ALDH1A2: variants seen among roughly 807,000 people sequenced by gnomAD.
ALDH1A2 encodes retinal dehydrogenase 2.
A neutral mutation model predicts 60.3 loss-of-function variants in ALDH1A2; 27 were observed. The ratio of observed to expected loss-of-function variants is 0.45; its 90% confidence interval spans 0.33 to 0.62. The LOEUF is 0.62. ALDH1A2 is among the 20% of genes least tolerant of loss of function. ALDH1A2 has a pLI of 0.02. For synonymous variants in ALDH1A2, 289 were observed against 232.4 expected, an observed-to-expected ratio of 1.24 and a Z score of -2.21; for missense variants, 581 against 643.8, an observed-to-expected ratio of 0.90 and a Z score of 1.06.
Position 57,962,165 on chromosome 15 carries a change from T to C in ALDH1A2, c.1098A>G (p.Lys366=). ...TGAGTTCCAAGATCTTGTTGTACTGTTTCTTATCAATCTGTGGGAGACAAG... is the reference window on the plus strand; with the variant it reads ...TGAGTTCCAAGATCTTGTTGTACTGCTTCTTATCAATCTGTGGGAGACAAG... ...TTEQGPQIDK[K]QYNKILELIQ... is the part of the protein sequence containing the mutation. The change falls in exon 10 of 13, where the codon AAA becomes AAG. Residue 366 remains lysine, a synonymous_variant. Coordinates refer to ENST00000249750, the MANE Select transcript of ALDH1A2 (RefSeq NM_003888.4). 1.2e-6 allele frequency: 2 copies of C among 1,614,176 alleles called. No individual in the cohort carries two copies. Among genetic ancestry groups the C allele is most frequent in the Non-Finnish European group, 1.7e-6 (2 of 1,180,004 alleles).
At chr15:58,044,725 C>T (rs1896597774) in intron 1 of ALDH1A2, among the ~76,000 whole-genome samples, 1 of 151,924 alleles carries the variant, frequency 6.6e-6, no homozygotes, top group African/African-American at 2.4e-5. Flanking sequence ...TAAGGAATAG[C>T]TTTGTGCTCT....
At chr15:57,994,101 T>C (rs56757485) in intron 5 of ALDH1A2, among the ~76,000 whole-genome samples, 2 of 152,330 alleles carry the variant, frequency 1.3e-5, no homozygotes, top group East Asian at 3.9e-4. Context: ...GCTGCAGCGT[T>C]GAGAGTCTGG....
intron 7 of ALDH1A2, among the ~76,000 whole-genome samples, chr15:57,984,493 C>T (rs1380489064): frequency 6.6e-6 from 1 of 152,120 alleles, no homozygotes; most frequent in Non-Finnish European, 1.5e-5. Flanking sequence ...CATAAATACC[C>T]CAAAAAGATA....
chr15:58,045,279 C>T (rs191881387), intron 1 of ALDH1A2, among the ~76,000 whole-genome samples: 3 of 152,140 alleles, frequency 2.0e-5, no homozygotes, highest in Admixed American at 2.0e-4. Context: ...AACAGGAGCA[C>T]TTTTACACTG....
At chr15:57,972,980 T>G (rs1038762127) in intron 7 of ALDH1A2, among the ~76,000 whole-genome samples, 5 of 152,242 alleles carry the variant, frequency 3.3e-5, no homozygotes, top group Non-Finnish European at 7.4e-5. Flanking sequence ...AACATGACAT[T>G]TATCTCACTT....
intron 1 of ALDH1A2, among the ~76,000 whole-genome samples, chr15:58,065,007 G>A (rs918452956): frequency 6.6e-6 from 1 of 152,226 alleles, no homozygotes; most frequent in African/African-American, 2.4e-5. Context: ...TCAGGTTTCC[G>A]TGAAATTTGT....
chr15:58,023,288 C>CA (rs1895983573), intron 1 of ALDH1A2, among the ~76,000 whole-genome samples: 1 of 152,018 alleles, frequency 6.6e-6, no homozygotes, highest in African/African-American at 2.4e-5. Context: ...AAACAAAGAA[C>CA]AGAGAATTTA....
rs1327728372 is a variant in ALDH1A2 at position 58,054,715 on chromosome 15, G to A, written c.117+10819C>T. ...TAGCCTCACACATCCTCCCTCCCAAGTCAATCTTAACAGCCATAAAAAAAG... is the reference window on the plus strand; with the variant it reads ...TAGCCTCACACATCCTCCCTCCCAAATCAATCTTAACAGCCATAAAAAAAG... On this transcript the variant is annotated intron_variant, in intron 1 of 12. Coordinates refer to ENST00000249750, the MANE Select transcript of ALDH1A2 (RefSeq NM_003888.4). 2.0e-5 allele frequency among the ~76,000 whole-genome samples: 3 copies of A among 152,118 alleles called. 1 individual carries two copies. Among genetic ancestry groups the A allele is most frequent in the South Asian group, 4.1e-4 (2 of 4,826 alleles).
chr15:57,968,683 G>T lies in ALDH1A2; in HGVS notation c.799-2856C>A, dbSNP rs188319777. Among the ~76,000 whole-genome samples, 143 of 152,278 alleles carry T rather than the reference G, an allele frequency of 9.4e-4. No homozygotes were observed. The Middle Eastern group carries it at 0.01, about 11-fold the overall frequency. On this transcript the variant is annotated intron_variant, in intron 7 of 12. Coordinates refer to ENST00000249750, the MANE Select transcript of ALDH1A2 (RefSeq NM_003888.4). ...TATTCAAGAAACAAGCAAAAGCCAG[G>T]AAAAATCATGAGTTTTACACATAGT... is the stretch of plus-strand genomic sequence containing the variant.
At chr15:57,998,486 A>T (rs1895142475) in intron 4 of ALDH1A2, among the ~76,000 whole-genome samples, 1 of 152,088 alleles carries the variant, frequency 6.6e-6, no homozygotes, top group South Asian at 2.1e-4. Context: ...TAAGAAATAC[A>T]GCTAATAAAG....
rs768550005 is a variant in ALDH1A2, at chr15:57,992,844, G to A, written c.685-26C>T. 1.7e-5 allele frequency: 27 copies of A among 1,613,848 alleles called. No homozygotes were observed. In the Middle Eastern group the frequency reaches 4.9e-4, roughly 30 times the overall value. On this transcript the variant is annotated intron_variant, in intron 6 of 12. Transcript: ENST00000249750. Reference sequence around the variant, plus strand: ...CTAAGAAAACAGAACAGGAGGAAACGTGGCTGATGAAAGCTGATGCATCAT... The same window carrying A: ...CTAAGAAAACAGAACAGGAGGAAACATGGCTGATGAAAGCTGATGCATCAT...
At chr15:57,995,165 C>T in intron 4 of ALDH1A2, 26 bp from the exon 5 acceptor site, 1 of 1,556,146 alleles carries the variant, frequency 6.4e-7, no homozygotes, top group Non-Finnish European at 8.7e-7. Context: ...ATGGTCACTC[C>T]CAGAAAGTTT....
chr15:58,016,082 G>A (rs1369285951), intron 1 of ALDH1A2, among the ~76,000 whole-genome samples: 1 of 151,462 alleles, frequency 6.6e-6, no homozygotes, highest in Non-Finnish European at 1.5e-5. Flanking sequence ...TATTCACCAT[G>A]TGACTGAATC....
intron 4 of ALDH1A2, among the ~76,000 whole-genome samples, chr15:58,003,982 G>A (rs79644837): frequency 6.6e-6 from 1 of 151,882 alleles, no homozygotes; most frequent in East Asian, 1.9e-4. Context: ...CAAGACTCTT[G>A]TGAATCAAAC....
At chr15:57,986,571 C>CAAAAAAAAAAAAAAAAAAAAAAAA (rs71116542) in intron 7 of ALDH1A2, among the ~76,000 whole-genome samples, 2 of 82,074 alleles carry the variant, frequency 2.4e-5, no homozygotes, top group Admixed American at 1.5e-4. Flanking sequence ...ACAGAAAAGC[C>CAAAAAAAAAAAAAAAAAAAAAAAA]AAAAAAAAAA....
intron 7 of ALDH1A2, among the ~76,000 whole-genome samples, chr15:57,970,006 G>A (rs1290161633): frequency 6.6e-6 from 1 of 152,178 alleles, no homozygotes; most frequent in African/African-American, 2.4e-5. Flanking sequence ...GTAGAATGAA[G>A]GCACAGGCCA....
chr15:57,956,947 TC>T (rs1467655100), intron 12 of ALDH1A2, among the ~76,000 whole-genome samples: 7 of 152,188 alleles, frequency 4.6e-5, no homozygotes, highest in African/African-American at 1.7e-4. Flanking sequence ...GACTGTTGGA[TC>T]CTACCGTTTG....
chr15:57,958,012 G>A (rs1358667620), intron 12 of ALDH1A2, among the ~76,000 whole-genome samples: 2 of 152,128 alleles, frequency 1.3e-5, no homozygotes, highest in Admixed American at 6.5e-5. Flanking sequence ...AACCCTGCTG[G>A]AACGGAGGTG....
intron 1 of ALDH1A2, among the ~76,000 whole-genome samples, chr15:58,048,184 A>T (rs1896680882): frequency 6.6e-6 from 1 of 152,174 alleles, no homozygotes; most frequent in Non-Finnish European, 1.5e-5. Context: ...AAAATGTAAA[A>T]CTAAAGGTAA....
Sources: allele counts gnomAD v4.1 joint callset (sites outside exome capture counted in the v4.1 genomes callset), GRCh38; gene constraint gnomAD v4.1.1; transcripts MANE v1.5; gene names NCBI Gene and HGNC (gene_info 2026-07-23, HGNC 2026-07-21).